Variants in NELL1 observed in about 807,000 individuals in gnomAD.
NELL1 encodes the protein protein kinase C-binding protein NELL1.
In NELL1, 76 loss-of-function variants were observed where a neutral mutation model predicts 107.4. That is an observed-to-expected ratio of 0.71 (90% CI 0.59 to 0.86). NELL1 has a LOEUF of 0.86. NELL1 is among the 40% of genes least tolerant of loss of function. The pLI is 0.00. For synonymous variants in NELL1, 353 were observed against 341.2 expected (o/e 1.03, Z -0.38); for missense variants, 1,024 against 1,005.5 (o/e 1.02, Z -0.25).
chr11:21,431,630 T>TATCC (rs1331847237), intron 15 of NELL1, among the ~76,000 whole-genome samples: 1 of 152,214 alleles, frequency 6.6e-6, no homozygotes, highest in African/African-American at 2.4e-5. Context: ...AAAATTAATG[T>TATCC]ATCCATACAC....
chr11:20,843,492 C>T (rs1307187479), intron 3 of NELL1, among the ~76,000 whole-genome samples: 4 of 121,778 alleles, frequency 3.3e-5, no homozygotes, highest in Non-Finnish European at 8.3e-5. Context: ...CACTCTTGTA[C>T]ACAGAAGCCA....
rs539342229 is a variant in NELL1, at chr11:21,499,049, G to A, written c.1646-35325G>A. Among the ~76,000 whole-genome samples the A allele has an allele frequency of 3.9e-5, 6 of 151,912 alleles. No homozygotes were observed. In the South Asian group the frequency reaches 1.2e-3, roughly 32 times the overall value. ...GAATATTCATTTTTTTATCATTCAT[G>A]CAAATATCTTTGTTACATGTTTGTT... On this transcript the variant is annotated intron_variant, in intron 15 of 19. Transcript: ENST00000357134.
chr11:20,772,075 T>A (rs1856651392), intron 2 of NELL1, among the ~76,000 whole-genome samples: 1 of 152,204 alleles, frequency 6.6e-6, no homozygotes, highest in African/African-American at 2.4e-5. Flanking sequence ...TCTGAGTAGA[T>A]GTGGCAAGGT....
intron 12 of NELL1, among the ~76,000 whole-genome samples, chr11:20,972,197 T>TA (rs1246708267): frequency 6.6e-6 from 1 of 151,646 alleles, no homozygotes; most frequent in Non-Finnish European, 1.5e-5. Flanking sequence ...TAAAGTAAAA[T>TA]AAAAAATTAA....
intron 13 of NELL1, among the ~76,000 whole-genome samples, chr11:21,118,642 C>T (rs12290097): frequency 0.013 from 1,965 of 152,152 alleles, 44 homozygotes; most frequent in African/African-American, 0.044. Context: ...GGCCTAAAGG[C>T]ATTCCTTTAT....
rs185190107 is a variant in NELL1, at chr11:21,227,096, C to T, written c.1427-2236C>T. Among the ~76,000 whole-genome samples the T allele has an allele frequency of 5.0e-4, 76 of 152,240 alleles. 1 individual carries two copies. Among genetic ancestry groups the T allele is most frequent in the African/African-American group, 1.6e-3 (67 of 41,550 alleles). On this transcript the variant is annotated intron_variant, in intron 13 of 19. Coordinates refer to ENST00000357134, the MANE Select transcript of NELL1 (RefSeq NM_006157.5). Reference sequence around the variant, plus strand: ...ATACCTTTCTCCATACTTAAGTCTGCGTGAGCAACTCTAATTGAGAAACCT... The same window carrying T: ...ATACCTTTCTCCATACTTAAGTCTGTGTGAGCAACTCTAATTGAGAAACCT...
chr11:21,205,830 TG>T (rs1412999099), intron 13 of NELL1, among the ~76,000 whole-genome samples: 8 of 152,188 alleles, frequency 5.3e-5, no homozygotes, highest in African/African-American at 1.9e-4. Context: ...TGCTGTCTCA[TG>T]TTGGAGCTCT....
intron 5 of NELL1, among the ~76,000 whole-genome samples, chr11:20,911,406 G>C (rs1353790098): frequency 6.6e-6 from 1 of 151,996 alleles, no homozygotes; most frequent in East Asian, 1.9e-4. Flanking sequence ...CTCAGATTAA[G>C]TAAGTTGCCA....
intron 12 of NELL1, among the ~76,000 whole-genome samples, chr11:20,964,753 G>A (rs978855166): frequency 2.0e-5 from 3 of 152,300 alleles, no homozygotes; most frequent in Middle Eastern, 3.4e-3. Context: ...GTGAGTGGAC[G>A]TGACATGTAG....
intron 13 of NELL1, among the ~76,000 whole-genome samples, chr11:21,215,015 T>C (rs1857584009): frequency 6.6e-6 from 1 of 152,278 alleles, no homozygotes; most frequent in South Asian, 2.1e-4. Context: ...GTACTATAGG[T>C]ATATAGGATG....
At chr11:21,206,305 T>A (rs1231831666) in intron 13 of NELL1, among the ~76,000 whole-genome samples, 2 of 152,156 alleles carry the variant, frequency 1.3e-5, no homozygotes, top group African/African-American at 4.8e-5. Flanking sequence ...CCTGATCCAC[T>A]CTGTGTATCA....
intron 13 of NELL1, among the ~76,000 whole-genome samples, chr11:21,147,800 C>T (rs997603203): frequency 1.6e-5 from 2 of 124,094 alleles, no homozygotes; most frequent in African/African-American, 3.1e-5. Context: ...GGCACCATTG[C>T]ACCCCAGCCT....
chr11:21,100,915 T>C (rs1353664167), intron 12 of NELL1, among the ~76,000 whole-genome samples: 1 of 152,146 alleles, frequency 6.6e-6, no homozygotes, highest in East Asian at 1.9e-4. Context: ...TGTATACATG[T>C]GCCATGTTGG....
At chr11:21,151,956 G>A (rs527741003) in intron 13 of NELL1, among the ~76,000 whole-genome samples, 10 of 152,244 alleles carry the variant, frequency 6.6e-5, no homozygotes, top group Admixed American at 4.6e-4. Flanking sequence ...CCAAACAGAG[G>A]TCTTTTGCCT....
At chr11:20,733,115 T>G (rs1855684963) in intron 2 of NELL1, among the ~76,000 whole-genome samples, 1 of 152,202 alleles carries the variant, frequency 6.6e-6, no homozygotes, top group Non-Finnish European at 1.5e-5. Context: ...ATATGGCTGC[T>G]ATCCAAGTGT....
chr11:21,569,671 T>C (rs917082869), intron 17 of NELL1, among the ~76,000 whole-genome samples: 1 of 151,864 alleles, frequency 6.6e-6, no homozygotes, highest in African/African-American at 2.4e-5. Context: ...GGAGTTCTGT[T>C]ATTACTGAAG....
chr11:20,903,222 C>T (rs756180856), intron 5 of NELL1, among the ~76,000 whole-genome samples: 2 of 151,906 alleles, frequency 1.3e-5, no homozygotes, highest in Non-Finnish European at 2.9e-5. Context: ...CAAGAATGAA[C>T]AGAAATTCAT....
intron 14 of NELL1, among the ~76,000 whole-genome samples, chr11:21,309,863 C>T (rs192105601): frequency 2.6e-5 from 4 of 152,168 alleles, no homozygotes; most frequent in Middle Eastern, 3.4e-3. Context: ...GTCACCTCCC[C>T]CTGGGTTCCT....
intron 14 of NELL1, among the ~76,000 whole-genome samples, chr11:21,337,842 T>TTTCTTTCTTTCC (rs1850467605): frequency 7.2e-6 from 1 of 138,854 alleles, no homozygotes; most frequent in East Asian, 2.1e-4. Context: ...CTTTCTTTTC[T>TTTCTTTCTTTCC]TTCTTTCTTT....
Sources: allele counts gnomAD v4.1 joint callset (sites outside exome capture counted in the v4.1 genomes callset), GRCh38; gene constraint gnomAD v4.1.1; transcripts MANE v1.5; gene names NCBI Gene and HGNC (gene_info 2026-07-23, HGNC 2026-07-21).